Variants in STXBP6 observed in about 807,000 individuals in gnomAD.
STXBP6 encodes syntaxin binding protein 6, also known as syntaxin-binding protein 6.
A neutral mutation model predicts 26.9 loss-of-function variants in STXBP6; 21 were observed. The observed-to-expected ratio is 0.78, with a 90% CI of 0.55 to 1.12. STXBP6 has a LOEUF of 1.12. Among genes scored for constraint, STXBP6 ranks in the 50% most tolerant of loss-of-function variants. The pLI is 0.00. For missense variants in STXBP6, 232 were observed against 257.9 expected (o/e 0.90, Z 0.69); for synonymous variants, 97 against 92.6 (o/e 1.05, Z -0.27).
intron 4 of STXBP6, among the ~76,000 whole-genome samples, chr14:24,841,452 C>G (rs942843587): frequency 6.6e-6 from 1 of 152,162 alleles, no homozygotes; most frequent in South Asian, 2.1e-4. Flanking sequence ...GTGATATTCT[C>G]AATCTGAGTC....
At position 24,974,659 on chromosome 14, in the gene STXBP6, C is replaced by T; in HGVS notation, c.154+6G>A. On this transcript the variant is annotated splice_donor_region_variant and intron_variant, in intron 2 of 5. Transcript: ENST00000323944. Reference sequence around the variant, plus strand: ...TTTAATAATATTAATATCTGGTTCTCATTACCTGACAGGCAGATATAAGTT... The same window carrying T: ...TTTAATAATATTAATATCTGGTTCTTATTACCTGACAGGCAGATATAAGTT... 1.3e-6 allele frequency: 2 copies of T among 1,546,312 alleles called. No homozygotes were observed. Among genetic ancestry groups the T allele is most frequent in the Non-Finnish European group, 1.7e-6 (2 of 1,144,336 alleles).
intron 2 of STXBP6, among the ~76,000 whole-genome samples, chr14:24,858,086 T>C (rs1018547399): frequency 1.3e-5 from 2 of 152,144 alleles, no homozygotes; most frequent in Admixed American, 6.6e-5. Flanking sequence ...ATTACTGACT[T>C]GCTGAAGACT....
chr14:24,972,676 G>A (rs192685444), intron 2 of STXBP6, among the ~76,000 whole-genome samples: 1 of 152,282 alleles, frequency 6.6e-6, no homozygotes, highest in East Asian at 1.9e-4. Context: ...TGCGTAAGCA[G>A]AACTGTGGAA....
rs548304751 is a variant in STXBP6 at position 25,027,138 on chromosome 14, C to T, written c.-33+22740G>A. Among the ~76,000 whole-genome samples, 94 of 152,196 alleles carry T rather than the reference C, an allele frequency of 6.2e-4. 1 individual carries two copies. Among genetic ancestry groups the T allele is most frequent in the Admixed American group, 1.1e-3 (17 of 15,288 alleles). ...CTTGCTTCCATATCAAAATAGAACC[C>T]GTAATGCATAGATACAAGCATAGTT... On this transcript the variant is annotated intron_variant, in intron 1 of 5. Coordinates refer to ENST00000323944, the MANE Select transcript of STXBP6 (RefSeq NM_001394410.1).
intron 4 of STXBP6, among the ~76,000 whole-genome samples, chr14:24,820,352 C>T (rs1173632921): frequency 6.6e-6 from 1 of 152,158 alleles, no homozygotes; most frequent in Non-Finnish European, 1.5e-5. Flanking sequence ...GGATCTCAGG[C>T]AAAGAAAGTG....
chr14:24,835,873 C>T (rs2068596315), intron 4 of STXBP6, among the ~76,000 whole-genome samples: 1 of 152,108 alleles, frequency 6.6e-6, no homozygotes, highest in African/African-American at 2.4e-5. Context: ...ATGGAGACAC[C>T]CATTTTCTAC....
At chr14:25,011,324 A>AG (rs775968150) in intron 1 of STXBP6, among the ~76,000 whole-genome samples, 2 of 152,182 alleles carry the variant, frequency 1.3e-5, no homozygotes, top group Admixed American at 6.5e-5. Context: ...TGAGGCTGTC[A>AG]GGTACCGTCA....
Position 24,862,501 on chromosome 14 carries a change from T to C in STXBP6, c.155-5344A>G, listed in dbSNP as rs563425928. Among the ~76,000 whole-genome samples the C allele has an allele frequency of 7.2e-4, 109 of 152,254 alleles. 1 individual carries two copies. Among genetic ancestry groups the C allele is most frequent in the African/African-American group, 2.5e-3 (104 of 41,562 alleles). ...AGTGCATAGGGCTTTGGGAAGCAGA[T>C]TTCCTCAGTCTACTGAAAAGATAAT... On this transcript the variant is annotated intron_variant, in intron 2 of 5. Coordinates refer to ENST00000323944, the MANE Select transcript of STXBP6 (RefSeq NM_001394410.1).
intron 1 of STXBP6, among the ~76,000 whole-genome samples, chr14:24,976,473 A>G (rs2074047431): frequency 6.6e-6 from 1 of 152,208 alleles, no homozygotes; most frequent in Non-Finnish European, 1.5e-5. Flanking sequence ...ACCCACATCT[A>G]CTTGTGCTCC....
intron 2 of STXBP6, among the ~76,000 whole-genome samples, chr14:24,946,787 T>G (rs9671254): frequency 6.6e-6 from 1 of 152,036 alleles, no homozygotes; most frequent in African/African-American, 2.4e-5. Flanking sequence ...TTGTTGGTAC[T>G]TAATGGGAAC....
intron 2 of STXBP6, among the ~76,000 whole-genome samples, chr14:24,938,128 A>G (rs1177766975): frequency 6.6e-6 from 1 of 152,206 alleles, no homozygotes; most frequent in Non-Finnish European, 1.5e-5. Flanking sequence ...TCAGATCCTA[A>G]TATTTGGCTG....
chr14:24,991,768 T>A (rs2074480752), intron 1 of STXBP6, among the ~76,000 whole-genome samples: 1 of 152,174 alleles, frequency 6.6e-6, no homozygotes, highest in Non-Finnish European at 1.5e-5. Flanking sequence ...GACAGATAAG[T>A]ACATCTCTCA....
intron 1 of STXBP6, among the ~76,000 whole-genome samples, chr14:25,039,357 T>A (rs1364382183): frequency 6.6e-6 from 1 of 152,172 alleles, no homozygotes; most frequent in African/African-American, 2.4e-5. Context: ...AGTGGAGAGC[T>A]TTTCAGTTCA....
chr14:25,045,340 T>C (rs1191281051), intron 1 of STXBP6, among the ~76,000 whole-genome samples: 4 of 152,126 alleles, frequency 2.6e-5, no homozygotes, highest in Admixed American at 6.5e-5. Flanking sequence ...GCTTCCCAAA[T>C]GGATTTGCCC....
At chr14:24,832,201 T>C (rs2068474344) in intron 4 of STXBP6, among the ~76,000 whole-genome samples, 2 of 152,226 alleles carry the variant, frequency 1.3e-5, no homozygotes, top group African/African-American at 2.4e-5. Flanking sequence ...AGCTTTGGTT[T>C]CATTATCATG....
intron 2 of STXBP6, among the ~76,000 whole-genome samples, chr14:24,898,475 G>A (rs75810601): frequency 6.6e-6 from 1 of 152,108 alleles, no homozygotes; most frequent in Non-Finnish European, 1.5e-5. Flanking sequence ...TCAGGAGTTC[G>A]AGACCAGCCT....
chr14:24,822,967 A>C (rs2068180972), intron 4 of STXBP6, among the ~76,000 whole-genome samples: 2 of 152,344 alleles, frequency 1.3e-5, no homozygotes, highest in African/African-American at 2.4e-5. Context: ...CTGGAAATAA[A>C]GCAGCCTCCT....
intron 1 of STXBP6, among the ~76,000 whole-genome samples, chr14:25,022,298 T>G (rs962575187): frequency 1.8e-4 from 28 of 152,172 alleles, no homozygotes; most frequent in Non-Finnish European, 3.8e-4. Flanking sequence ...AGGCAGTTCC[T>G]AGACCTCCAG....
At chr14:24,928,521 A>G (rs970884496) in intron 2 of STXBP6, among the ~76,000 whole-genome samples, 1 of 152,198 alleles carries the variant, frequency 6.6e-6, no homozygotes, top group African/African-American at 2.4e-5. Context: ...TAGTCTATTA[A>G]CAACCTCATA....
Sources: allele counts gnomAD v4.1 joint callset (sites outside exome capture counted in the v4.1 genomes callset), GRCh38; gene constraint gnomAD v4.1.1; transcripts MANE v1.5; gene names NCBI Gene and HGNC (gene_info 2026-07-23, HGNC 2026-07-21).